Variants in MPDZ observed in about 807,000 individuals in gnomAD.
MPDZ encodes the protein multiple PDZ domain crumbs cell polarity complex component, also known as multiple PDZ domain protein.
MPDZ carries 234 observed loss-of-function variants against 239.1 expected under a neutral mutation model. That is an observed-to-expected ratio of 0.98 (90% CI 0.88 to 1.09). MPDZ has a LOEUF of 1.09. MPDZ is among the 50% of genes least tolerant of loss of function. The pLI, the probability that MPDZ is intolerant of heterozygous loss-of-function variation, is 0.00. For missense variants in MPDZ, 3,175 were observed against 2,510.0 expected (o/e 1.26, Z -5.66); for synonymous variants, 1,048 against 881.3 (o/e 1.19, Z -3.35).
At chr9:13,223,855 G>C in intron 4 of MPDZ, 145 bp from the exon 5 acceptor site, 1 of 745,188 alleles carries the variant, frequency 1.3e-6, no homozygotes, top group Non-Finnish European at 2.0e-6. Context: ...TACATAATGT[G>C]ACCCCATCTC....
chr9:13,207,759 A>G (rs1957161497), intron 10 of MPDZ, among the ~76,000 whole-genome samples: 1 of 152,172 alleles, frequency 6.6e-6, no homozygotes, highest in Admixed American at 6.5e-5. Context: ...TTTTCCTTAT[A>G]GTAGTGTCAT....
intron 2 of MPDZ, among the ~76,000 whole-genome samples, chr9:13,249,193 G>C (rs1967219314): frequency 6.6e-6 from 1 of 150,964 alleles, no homozygotes; most frequent in Non-Finnish European, 1.5e-5. Context: ...AAATGATAAA[G>C]ATACACATGA....
chr9:13,256,633 G>A (rs1171320870), intron 1 of MPDZ, among the ~76,000 whole-genome samples: 1 of 152,202 alleles, frequency 6.6e-6, no homozygotes, highest in Non-Finnish European at 1.5e-5. Context: ...TGATGGAGCA[G>A]TTGGAACATG....
chr9:13,251,149 A>AG (rs1967888995), intron 1 of MPDZ, among the ~76,000 whole-genome samples: 1 of 150,452 alleles, frequency 6.6e-6, no homozygotes, highest in African/African-American at 2.4e-5. Flanking sequence ...AAAAAAAAAA[A>AG]AAGGAAAAGA....
chr9:13,213,309 T>C (rs1373835846), intron 10 of MPDZ, among the ~76,000 whole-genome samples: 3 of 151,962 alleles, frequency 2.0e-5, no homozygotes, highest in Non-Finnish European at 4.4e-5. Context: ...CAGAACACAA[T>C]GTGTAAAACA....
chr9:13,175,209 C>T (rs990516086), intron 21 of MPDZ, among the ~76,000 whole-genome samples: 1 of 152,048 alleles, frequency 6.6e-6, no homozygotes, highest in Non-Finnish European at 1.5e-5. Context: ...GTCTTTTTTG[C>T]CCAATTCAGA....
chr9:13,176,615 A>G (rs1952526950), intron 19 of MPDZ, among the ~76,000 whole-genome samples, 198 bp from the exon 20 acceptor site: 1 of 152,216 alleles, frequency 6.6e-6, no homozygotes, highest in Non-Finnish European at 1.5e-5. Context: ...AAATGCTTTT[A>G]AATACATTTC....
At chr9:13,247,565 A>G in intron 3 of MPDZ, 70 bp downstream of exon 3, 8 of 1,517,592 alleles carry the variant, frequency 5.3e-6, no homozygotes, top group Non-Finnish European at 6.3e-6. Flanking sequence ...TCAGCCTTTC[A>G]GAAAAACACA....
intron 3 of MPDZ, among the ~76,000 whole-genome samples, chr9:13,235,771 T>G (rs952625636): frequency 1.3e-5 from 2 of 152,196 alleles, no homozygotes; most frequent in African/African-American, 4.8e-5. Context: ...CAAAGCATAT[T>G]TGTCTTAAAA....
At chr9:13,233,907 G>A (rs948481525) in intron 3 of MPDZ, among the ~76,000 whole-genome samples, 1 of 152,182 alleles carries the variant, frequency 6.6e-6, no homozygotes, top group Non-Finnish European at 1.5e-5. Flanking sequence ...CCTCCACAGG[G>A]TTGATGTGGA....
intron 1 of MPDZ, among the ~76,000 whole-genome samples, chr9:13,269,943 C>T (rs781771483): frequency 1.3e-5 from 2 of 152,156 alleles, no homozygotes; most frequent in African/African-American, 2.4e-5. Context: ...TGCAGCAATT[C>T]GATCTCCTAA....
At chr9:13,126,490 C>T (rs370266412) in intron 34 of MPDZ, 26 bp downstream of exon 34, 26 of 1,498,202 alleles carry the variant, frequency 1.7e-5, no homozygotes, top group Non-Finnish European at 2.3e-5. Flanking sequence ...GCCTACATTA[C>T]CATTTACTTT....
At position 13,140,026 on chromosome 9, in the gene MPDZ, G is replaced by C. The variant is rs371941071; in HGVS notation, c.3964C>G (p.Gln1322Glu). The C allele has an allele frequency of 1.2e-6, 2 of 1,613,124 alleles. No homozygotes were observed. The highest frequency in any genetic ancestry group is 2.2e-5 in the East Asian group (1 of 44,784). Residue 1322 changes from glutamine (Q) to glutamate (E), a missense_variant, in exon 28 of 47, where the codon CAA (glutamine) becomes GAA (glutamate). Physicochemically the swap from Gln to Glu is conservative, Grantham distance 29. Transcript: ENST00000319217. ...AACTCATCCTCTTTGTCCACATCTT[G>C]TGAGATTTTGCTTGCAGATGACTGT... ...HTQSSASKIS[Q>E]DVDKEDEFGY... is the part of the protein sequence containing the mutation.
intron 1 of MPDZ, among the ~76,000 whole-genome samples, chr9:13,252,404 A>G (rs1457361741): frequency 2.0e-5 from 3 of 151,794 alleles, no homozygotes; most frequent in Non-Finnish European, 4.4e-5. Flanking sequence ...TGTCTCTACT[A>G]AAAATACAAA....
At chr9:13,196,089 G>T in intron 13 of MPDZ, 32 bp downstream of exon 13, 1 of 1,421,354 alleles carries the variant, frequency 7.0e-7, no homozygotes, top group Non-Finnish European at 9.8e-7. Context: ...ACAGTTACAA[G>T]TTAGAAAATT....
chr9:13,157,722 G>A (rs967724187), intron 24 of MPDZ, among the ~76,000 whole-genome samples: 17 of 151,634 alleles, frequency 1.1e-4, no homozygotes, highest in Non-Finnish European at 2.9e-5. Flanking sequence ...AATACTTTTT[G>A]GTATACCTAA....
intron 3 of MPDZ, among the ~76,000 whole-genome samples, chr9:13,244,923 G>A (rs1966247565): frequency 6.6e-6 from 1 of 152,002 alleles, no homozygotes; most frequent in African/African-American, 2.4e-5. Context: ...AAAAACAGGA[G>A]ACTGATGGAG....
intron 46 of MPDZ, 82 bp from the exon 47 acceptor site, chr9:13,107,193 T>C (rs758191030): frequency 3.6e-5 from 51 of 1,422,244 alleles, no homozygotes; most frequent in Non-Finnish European, 4.7e-5. Context: ...TCAACAGGAA[T>C]GTAAATTGCT....
At chr9:13,131,159 T>A (rs1945940494) in intron 32 of MPDZ, among the ~76,000 whole-genome samples, 1 of 152,168 alleles carries the variant, frequency 6.6e-6, no homozygotes, top group Non-Finnish European at 1.5e-5. Context: ...GCTGTTTCTT[T>A]CTCCCTTCTT....
Sources: gnomAD v4.1 joint callset for allele counts (sites outside exome capture counted in the v4.1 genomes callset) on GRCh38, gnomAD v4.1.1 for gene constraint, MANE v1.5 for transcripts, NCBI Gene and HGNC (gene_info 2026-07-23, HGNC 2026-07-21) for gene names.